Variants in BCL11B observed in about 807,000 individuals in gnomAD.
BCL11B encodes BCL11 transcription factor B, also known as B-cell lymphoma/leukemia 11B.
A neutral mutation model predicts 49.9 loss-of-function variants in BCL11B; 8 were observed. That is an observed-to-expected ratio of 0.16 (90% CI 0.09 to 0.29). The LOEUF (loss-of-function observed/expected upper bound fraction) is 0.29. Among genes scored for constraint, BCL11B ranks in the 10% least tolerant of loss-of-function variants. The pLI is 1.00. For synonymous variants in BCL11B, 739 were observed against 637.4 expected, an observed-to-expected ratio of 1.16 and a Z score of -2.40; for missense variants, 1,006 against 1,351.0, an observed-to-expected ratio of 0.74 and a Z score of 4.00.
chr14:99,192,336 AC>A lies in BCL11B; in HGVS notation c.641-16142del, dbSNP rs1230628191. On this transcript the variant is annotated intron_variant, in intron 3 of 3. Transcript: ENST00000357195. This position sits in a 1 kb window ranked among gnomAD's most constrained non-coding sequence, Gnocchi z 4.0. ...CTAATAACAGCCTGGGAACTGCAAA[AC>A]CCCTGTAAGCCCAGCCCTTTAAATG... Among the ~76,000 whole-genome samples, 2 of 151,900 alleles carry A rather than the reference AC, an allele frequency of 1.3e-5. No homozygotes were observed. Among genetic ancestry groups the A allele is most frequent in the Non-Finnish European group, 2.9e-5 (2 of 67,984 alleles).
intron 3 of BCL11B, among the ~76,000 whole-genome samples, chr14:99,190,601 G>A (rs1886996848): frequency 6.6e-6 from 1 of 152,096 alleles, no homozygotes; most frequent in South Asian, 2.1e-4. Context: ...AAATCTCTAA[G>A]GGAAGGAGGG....
At chr14:99,187,432 T>C (rs973765642) in intron 3 of BCL11B, among the ~76,000 whole-genome samples, 2 of 152,160 alleles carry the variant, frequency 1.3e-5, no homozygotes, top group Non-Finnish European at 2.9e-5. Flanking sequence ...ATCTGCTTTC[T>C]GTGAACTTCC....
rs1033341054 is a variant in BCL11B at position 99,194,819 on chromosome 14, G to C, written c.641-18624C>G. Among the ~76,000 whole-genome samples the C allele has an allele frequency of 1.3e-5, 2 of 152,204 alleles. No individual in the cohort carries two copies. Among genetic ancestry groups the C allele is most frequent in the African/African-American group, 4.8e-5 (2 of 41,452 alleles). On this transcript the variant is annotated intron_variant, in intron 3 of 3. Coordinates refer to ENST00000357195, the MANE Select transcript of BCL11B (RefSeq NM_138576.4). The surrounding 1 kb of genome is among the most constrained non-coding windows in gnomAD (Gnocchi z 4.6). ...TAGCAACCCCCGAGGATGCAGACAGGCCTGAACCACGGGCACCCGACCAGT... is the reference window on the plus strand; with the variant it reads ...TAGCAACCCCCGAGGATGCAGACAGCCCTGAACCACGGGCACCCGACCAGT...
Position 99,271,729 on chromosome 14 carries a change from GA to G in BCL11B, c.-512del, listed in dbSNP as rs966722975. Among the ~76,000 whole-genome samples the G allele has an allele frequency of 1.2e-4, 17 of 146,928 alleles. No individual in the cohort carries two copies. The highest frequency in any genetic ancestry group is 3.3e-4 in the African/African-American group (13 of 39,746). On this transcript the variant is annotated 5_prime_UTR_variant, in exon 1 of 4. Coordinates refer to ENST00000357195, the MANE Select transcript of BCL11B (RefSeq NM_138576.4). ...GGAAAGCGCACTTCTACCAGGAGGG[GA>G]AAAAAAATGCAAACAAATAAAAAAA... is the stretch of plus-strand genomic sequence containing the variant.
At position 99,247,037 on chromosome 14, in the gene BCL11B, G is replaced by T. The variant is rs1483259037; in HGVS notation, c.427+10434C>A. On this transcript the variant is annotated intron_variant, in intron 2 of 3. Transcript: ENST00000357195. This position sits in a 1 kb window ranked among gnomAD's most constrained non-coding sequence, Gnocchi z 4.5. ...CTGGAGCCTCGCGTCCCGCCTCCCC[G>T]CAACACGCTGTTTTCAGCGTTCCAG... Among the ~76,000 whole-genome samples the T allele has an allele frequency of 6.6e-6, 1 of 152,092 alleles. No individual in the cohort carries two copies. The highest frequency in any genetic ancestry group is 1.5e-5 in the Non-Finnish European group (1 of 68,002).
At chr14:99,266,492 A>G (rs2072257005) in intron 1 of BCL11B, among the ~76,000 whole-genome samples, 1 of 152,258 alleles carries the variant, frequency 6.6e-6, no homozygotes, top group Non-Finnish European at 1.5e-5. Flanking sequence ...AGAAAATCAA[A>G]GAAAAAGAAA....
chr14:99,200,822 G>C (rs1046224865), intron 3 of BCL11B, among the ~76,000 whole-genome samples: 1 of 152,174 alleles, frequency 6.6e-6, no homozygotes, highest in Non-Finnish European at 1.5e-5. Context: ...GGCTCACCTC[G>C]GGGCCTGGAG....
At chr14:99,178,593 C>A (rs1352786159) in intron 3 of BCL11B, among the ~76,000 whole-genome samples, 1 of 152,220 alleles carries the variant, frequency 6.6e-6, no homozygotes, top group South Asian at 2.1e-4. Context: ...GGGAACAGCA[C>A]GCCTTAGCTC....
In BCL11B at chr14:99,174,528, T is replaced by C. The variant is rs1340988964; in HGVS notation, c.2308A>G (p.Thr770Ala). 3.0e-5 allele frequency: 46 copies of C among 1,519,444 alleles called. No homozygotes were observed. The highest frequency in any genetic ancestry group is 4.1e-5 in the Non-Finnish European group (46 of 1,135,550). 94.1% of individuals were successfully genotyped at this position (1,519,444 alleles called of 1,614,324 possible). A position where few individuals can be genotyped will look rare whatever the true frequency, so the allele number is the denominator to read the frequency against. ...LDGGLSGRSG[T>A]ASGGSTPHLG... is the part of the protein sequence containing the mutation. ...TGCGGGGTGCTGCCTCCGCTGGCCG[T>C]GCCGCTGCGGCCCGAGAGGCCGCCG... Residue 770 changes from threonine (T) to alanine (A), a missense_variant, in exon 4 of 4, where the codon ACG (threonine) becomes GCG (alanine). Physicochemically the swap from Thr to Ala is moderately conservative, Grantham distance 58. Coordinates refer to ENST00000357195, the MANE Select transcript of BCL11B (RefSeq NM_138576.4).
At position 99,174,695 on chromosome 14, in the gene BCL11B, C is replaced by T; in HGVS notation, c.2141G>A (p.Gly714Asp). 2 of 1,571,836 alleles carry T rather than the reference C, an allele frequency of 1.3e-6. No individual in the cohort carries two copies. Among genetic ancestry groups the T allele is most frequent in the Non-Finnish European group, 1.7e-6 (2 of 1,161,180 alleles). ...SENVYSQWLV[G>D]YAASRHFMKD... ...CATGAAGTGCCGCGACGCCGCGTAG[C>T]CCACCAGCCACTGCGAGTACACGTT... is the stretch of plus-strand genomic sequence containing the variant. Residue 714 changes from glycine to aspartate, a missense_variant, in exon 4 of 4, where the codon GGC becomes GAC. Gly to Asp is a moderately conservative substitution (Grantham distance 94, BLOSUM62 -1). Around this residue, in one of 6 missense-constraint regions of BCL11B, gnomAD observed 443 missense variants for 499.7 expected, o/e 0.89. Coordinates refer to ENST00000357195, the MANE Select transcript of BCL11B (RefSeq NM_138576.4).
intron 3 of BCL11B, among the ~76,000 whole-genome samples, chr14:99,217,873 C>T (rs1299714518): frequency 1.3e-5 from 2 of 152,132 alleles, no homozygotes; most frequent in Non-Finnish European, 2.9e-5. Flanking sequence ...CCAGTGGGCT[C>T]CGAACTCCAC....
chr14:99,199,020 CA>C (rs1887264425), intron 3 of BCL11B, among the ~76,000 whole-genome samples: 1 of 152,134 alleles, frequency 6.6e-6, no homozygotes, highest in African/African-American at 2.4e-5. Flanking sequence ...TTGTCCAAAA[CA>C]ATCATTTTTT....
intron 3 of BCL11B, among the ~76,000 whole-genome samples, chr14:99,216,382 A>C (rs1034425676): frequency 2.0e-5 from 3 of 152,212 alleles, no homozygotes; most frequent in Admixed American, 2.0e-4. Context: ...ATGCACACAC[A>C]GGCTGGGCTA....
At chr14:99,202,568 A>AGGCAAC (rs977486858) in intron 3 of BCL11B, among the ~76,000 whole-genome samples, 2 of 152,166 alleles carry the variant, frequency 1.3e-5, no homozygotes, top group Non-Finnish European at 2.9e-5. Flanking sequence ...GCCATGCGCA[A>AGGCAAC]GGCAACGCAA....
In BCL11B at chr14:99,272,168, T is replaced by G. The variant is rs1202500479; in HGVS notation, c.-950A>C. On this transcript the variant is annotated 5_prime_UTR_variant, in exon 1 of 4. Coordinates refer to ENST00000357195, the MANE Select transcript of BCL11B (RefSeq NM_138576.4). The surrounding 1 kb of genome is among the most constrained non-coding windows in gnomAD (Gnocchi z 6.0). ...AACGTGAAGATGGCGGAGTCCGGGT[T>G]CTCTGGGAGCTCTCGGTCTCTCTAT... Among the ~76,000 whole-genome samples, 1 of 152,054 alleles carries G rather than the reference T, an allele frequency of 6.6e-6. No homozygotes were observed. The highest frequency in any genetic ancestry group is 1.5e-5 in the Non-Finnish European group (1 of 67,996).
chr14:99,253,408 A>T (rs1889064688), intron 2 of BCL11B, among the ~76,000 whole-genome samples: 1 of 152,190 alleles, frequency 6.6e-6, no homozygotes, highest in African/African-American at 2.4e-5. Context: ...CATTGCCAAG[A>T]AGACCGGTGC....
Position 99,174,665 on chromosome 14 carries a change from T to A in BCL11B, c.2171A>T (p.Asp724Val). The A allele has an allele frequency of 6.3e-7, 1 of 1,579,328 alleles. No individual in the cohort carries two copies. Among genetic ancestry groups the A allele is most frequent in the Non-Finnish European group, 8.6e-7 (1 of 1,165,870 alleles). The change falls in exon 4 of 4, where the codon GAC becomes GTC. Residue 724 changes from aspartate (D) to valine (V), a missense_variant. Transcript: ENST00000357195. ...GYAASRHFMKDPFLGFTDARQ... is the reference protein window; with the variant it reads ...GYAASRHFMKVPFLGFTDARQ... ...TGCGTCCGTGAAGCCCAGGAAGGGG[T>A]CCTTCATGAAGTGCCGCGACGCCGC...
chr14:99,222,384 G>C (rs1888034570), intron 3 of BCL11B, among the ~76,000 whole-genome samples: 1 of 152,060 alleles, frequency 6.6e-6, no homozygotes, highest in African/African-American at 2.4e-5. Context: ...CCTTTTCTGA[G>C]TCTTCATCAT....
At position 99,265,963 on chromosome 14, in the gene BCL11B, T is replaced by A. The variant is rs1889469251; in HGVS notation, c.58+5198A>T. Among the ~76,000 whole-genome samples, 2 of 152,094 alleles carry A rather than the reference T, an allele frequency of 1.3e-5. 1 individual carries two copies. The highest frequency in any genetic ancestry group is 4.2e-4 in the South Asian group (2 of 4,818). ...AAAGAAGACATTATAAATCTAGAAA[T>A]CCTATGATCAAAAGCACATATATTC... On this transcript the variant is annotated intron_variant, in intron 1 of 3. Coordinates refer to ENST00000357195, the MANE Select transcript of BCL11B (RefSeq NM_138576.4).
Sources: allele counts gnomAD v4.1 joint callset (sites outside exome capture counted in the v4.1 genomes callset), GRCh38; gene constraint gnomAD v4.1.1; regional missense constraint gnomAD v4.1.1; non-coding constraint Gnocchi (gnomAD v3.1); transcripts MANE v1.5; gene names NCBI Gene and HGNC (gene_info 2026-07-23, HGNC 2026-07-21).